The following SYNE2 variants were observed in gnomAD, a reference collection of about 807,000 sequenced individuals.
SYNE2 encodes nesprin-2.
Under a neutral mutation model 856.3 loss-of-function variants are expected in SYNE2, and 431 were observed. That is an observed-to-expected ratio of 0.50 (90% confidence interval 0.47 to 0.55). SYNE2 has a LOEUF of 0.55. SYNE2 is among the 20% of genes least tolerant of loss of function. SYNE2 has a pLI of 0.00. For missense variants in SYNE2, 8,129 were observed against 8,023.2 expected, an observed-to-expected ratio of 1.01 and a Z score of -0.50; for synonymous variants, 2,923 against 2,872.3, an observed-to-expected ratio of 1.02 and a Z score of -0.56.
chr14:63,903,366 G>C (rs988559531), intron 1 of SYNE2, among the ~76,000 whole-genome samples: 2 of 152,152 alleles, frequency 1.3e-5, no homozygotes, highest in African/African-American at 4.8e-5. Flanking sequence ...CTTTTGCCTT[G>C]TTTGATAATA....
chr14:64,147,646 T>C (rs984852401), intron 84 of SYNE2, among the ~76,000 whole-genome samples: 13 of 152,180 alleles, frequency 8.5e-5, no homozygotes, highest in African/African-American at 3.1e-4. Context: ...TGTAGAAACA[T>C]AGATTAGCAA....
At chr14:63,818,684 A>G (rs1267796910) in intron 1 of SYNE2, among the ~76,000 whole-genome samples, 1 of 149,604 alleles carries the variant, frequency 6.7e-6, no homozygotes, top group Admixed American at 6.8e-5. Flanking sequence ...ATCCATTCTC[A>G]TACATTTTTT....
chr14:64,221,760 G>A (rs951650447), intron 112 of SYNE2, 56 bp downstream of exon 112: 1 of 1,600,352 alleles, frequency 6.2e-7, no homozygotes, highest in East Asian at 2.2e-5. Flanking sequence ...GCCCCAGAGA[G>A]GCAGCACACT....
intron 33 of SYNE2, 28 bp from the exon 34 acceptor site, chr14:64,017,567 T>A: frequency 1.3e-6 from 2 of 1,582,722 alleles, no homozygotes; most frequent in Non-Finnish European, 1.7e-6. Flanking sequence ...CTGCTACATA[T>A]GTTGTTTCTC....
chr14:64,224,485 T>C lies in SYNE2; in HGVS notation c.20407T>C (p.Phe6803Leu). 2 of 1,614,022 alleles carry C rather than the reference T, an allele frequency of 1.2e-6. No homozygotes were observed. The highest frequency in any genetic ancestry group is 2.2e-5 in the South Asian group (2 of 91,066). Reference sequence around the variant, plus strand: ...GAACCCAGCCTCACCCCTGCCCAGCTTCGACGAGGTAGACTCGGGGGACCA... The same window carrying C: ...GAACCCAGCCTCACCCCTGCCCAGCCTCGACGAGGTAGACTCGGGGGACCA... ...TQNPASPLPS[F>L]DEVDSGDQPP... The change falls in exon 114 of 116, where the codon TTC becomes CTC. Residue 6803 changes from phenylalanine (F) to leucine (L), a missense_variant. Physicochemically the swap from Phe to Leu is conservative, Grantham distance 22. Transcript: ENST00000555002.
chr14:63,966,572 C>T (rs1271850142), intron 10 of SYNE2, among the ~76,000 whole-genome samples: 2 of 151,488 alleles, frequency 1.3e-5, no homozygotes, highest in East Asian at 3.9e-4. Context: ...TTTTTTTCCC[C>T]CCCCGAGACA....
chr14:63,788,869 AAAAG>A (rs1009458642), intron 1 of SYNE2, among the ~76,000 whole-genome samples: 1 of 152,222 alleles, frequency 6.6e-6, no homozygotes, highest in African/African-American at 2.4e-5. Flanking sequence ...GTATATACCC[AAAAG>A]AAAGGAAATA....
chr14:64,018,643 A>G lies in SYNE2; in HGVS notation c.5049+887A>G, dbSNP rs116281804. ...ACCCTGCTGTTGGAGAATTGAAAAC[A>G]GCGAGAGACAATATAAATGCTTGAA... On this transcript the variant is annotated intron_variant, in intron 34 of 115. Coordinates refer to ENST00000555002, the MANE Select transcript of SYNE2 (RefSeq NM_182914.3). Among the ~76,000 whole-genome samples the G allele has an allele frequency of 7.3e-3, 1,116 of 152,346 alleles. 21 individuals carry two copies. Among genetic ancestry groups the G allele is most frequent in the African/African-American group, 0.026 (1,063 of 41,572 alleles).
chr14:64,225,382 C>A lies in SYNE2; in HGVS notation c.20580C>A (p.Pro6860=). ...CAAGGGTGGTCCGGGCAGCCCTACC[C>A]CTGCAGCTGCTCCTCCTGCTGCTGC... ...FLSRVVRAAL[P]LQLLLLLLLL... is the part of the protein sequence containing the mutation. The change falls in exon 116 of 116, where the codon CCC becomes CCA. Residue 6860 remains proline, a synonymous_variant. Transcript: ENST00000555002. 6.2e-7 allele frequency: 1 copy of A among 1,614,132 alleles called. No homozygotes were observed. Among genetic ancestry groups the A allele is most frequent in the Non-Finnish European group, 8.5e-7 (1 of 1,179,998 alleles).
chr14:64,198,016 A>G (rs144089981), intron 99 of SYNE2, among the ~76,000 whole-genome samples: 33 of 152,386 alleles, frequency 2.2e-4, no homozygotes, highest in African/African-American at 7.5e-4. Flanking sequence ...CTCCCAATAA[A>G]GAGCCTATGC....
chr14:64,066,897 T>C (rs948240956), intron 51 of SYNE2, among the ~76,000 whole-genome samples: 3 of 152,194 alleles, frequency 2.0e-5, no homozygotes, highest in Non-Finnish European at 2.9e-5. Flanking sequence ...TTGATTAAGC[T>C]GTAAACCCCT....
At position 63,949,689 on chromosome 14, in the gene SYNE2, CCCAGTATTCATTTCA is replaced by C. The variant is rs1300716949; in HGVS notation, c.409-131_409-117del. 7.9e-6 allele frequency: 7 copies of C among 882,116 alleles called. No individual in the cohort carries two copies. In the African/African-American group the frequency reaches 1.2e-4, roughly 15 times the overall value. 54.6% of individuals were successfully genotyped at this position (882,116 alleles called of 1,614,324 possible). On this transcript the variant is annotated intron_variant, in intron 6 of 115. Coordinates refer to ENST00000555002, the MANE Select transcript of SYNE2 (RefSeq NM_182914.3). The stretch of plus-strand genomic sequence containing the variant: ...GCAGATGCTGTTATTCAAGGATTTG[CCCAGTATTCATTTCA>C]CCAGGAGTAAACTATGACTGTCACA...
At position 64,053,191 on chromosome 14, in the gene SYNE2, A is replaced by G. The variant is rs773687662; in HGVS notation, c.9278A>G (p.Lys3093Arg). The change falls in exon 48 of 116, where the codon AAA becomes AGA. Residue 3093 changes from lysine (K) to arginine (R), a missense_variant. Lys to Arg is a conservative substitution (Grantham distance 26, BLOSUM62 2). Coordinates refer to ENST00000555002, the MANE Select transcript of SYNE2 (RefSeq NM_182914.3). ...CAAATTTTAAGTCAGAGAATTGAGA[A>G]AGCCAAGTGTTTATGTGATGAGATA... ...NAQILSQRIE[K>R]AKCLCDEIIK... is the part of the protein sequence containing the mutation. 1.9e-6 allele frequency: 3 copies of G among 1,614,092 alleles called. No individual in the cohort carries two copies. The Admixed American group carries it at 5.0e-5, about 27-fold the overall frequency.
chr14:63,783,158 A>T (rs1887376770), intron 1 of SYNE2, among the ~76,000 whole-genome samples: 1 of 152,160 alleles, frequency 6.6e-6, no homozygotes, highest in East Asian at 1.9e-4. Context: ...CAGTTCTCCC[A>T]TGCTATTCTC....
intron 21 of SYNE2, among the ~76,000 whole-genome samples, chr14:63,992,386 C>T (rs1468576561): frequency 6.6e-6 from 1 of 152,152 alleles, no homozygotes; most frequent in Non-Finnish European, 1.5e-5. Flanking sequence ...AAGCTATCCT[C>T]CTGCCTCAGC....
chr14:64,152,506 C>A (rs1436313196), intron 84 of SYNE2, 58 bp from the exon 85 acceptor site: 1 of 1,571,400 alleles, frequency 6.4e-7, no homozygotes, highest in Middle Eastern at 1.7e-4. Flanking sequence ...GTCTCTGACA[C>A]CTTATTAATT....
At chr14:63,815,181 CATATATATATCCAT>C (rs1184841009) in intron 1 of SYNE2, among the ~76,000 whole-genome samples, 3 of 52,626 alleles carry the variant, frequency 5.7e-5, no homozygotes, top group East Asian at 9.0e-4. Flanking sequence ...CATATATATC[CATATATATATCCAT>C]ATATATATCC....
intron 99 of SYNE2, among the ~76,000 whole-genome samples, chr14:64,200,973 A>G (rs576248437): frequency 2.0e-5 from 3 of 152,318 alleles, no homozygotes; most frequent in Non-Finnish European, 2.9e-5. Context: ...GTGAGGTCCA[A>G]TGCCTTGTAA....
At chr14:63,921,524 G>T (rs1475531596) in intron 2 of SYNE2, among the ~76,000 whole-genome samples, 5 of 152,186 alleles carry the variant, frequency 3.3e-5, no homozygotes, top group African/African-American at 1.2e-4. Flanking sequence ...ACCCAACTGA[G>T]TGTGGTATCA....
Sources: gnomAD v4.1 joint callset for allele counts (sites outside exome capture counted in the v4.1 genomes callset) on GRCh38, gnomAD v4.1.1 for gene constraint, MANE v1.5 for transcripts, NCBI Gene and HGNC (gene_info 2026-07-23, HGNC 2026-07-21) for gene names.